TMEM178B: variants seen among roughly 807,000 people sequenced by gnomAD.
TMEM178B encodes transmembrane protein 178B.
A neutral mutation model predicts 31.0 loss-of-function variants in TMEM178B; 5 were observed. The observed-to-expected ratio is 0.16, with a 90% CI of 0.08 to 0.34. TMEM178B has a LOEUF of 0.34. Ranked by LOEUF, TMEM178B falls within the 10% of genes least tolerant of loss-of-function variation. The pLI is 1.00. For synonymous variants in TMEM178B, 164 were observed against 164.0 expected (o/e 1.00, Z 0.00); for missense variants, 275 against 400.3 (o/e 0.69, Z 2.67).
At chr7:141,179,734 G>A (rs1437118190) in intron 1 of TMEM178B, among the ~76,000 whole-genome samples, 1 of 152,152 alleles carries the variant, frequency 6.6e-6, no homozygotes, top group African/African-American at 2.4e-5. Context: ...GTCAGAGCAG[G>A]CCATCCTGGA....
rs538723770 is a variant in TMEM178B at position 141,397,629 on chromosome 7, C to T, written c.497-39979C>T. Among the ~76,000 whole-genome samples, 27 of 152,320 alleles carry T rather than the reference C, an allele frequency of 1.8e-4. 1 individual carries two copies. Among genetic ancestry groups the T allele is most frequent in the African/African-American group, 6.5e-4 (27 of 41,572 alleles). On this transcript the variant is annotated intron_variant, in intron 2 of 3. Coordinates refer to ENST00000565468, the MANE Select transcript of TMEM178B (RefSeq NM_001195278.2). ...AGCTGGGAGTTAGGAGCCCTGGATT[C>T]TGGTTTCAGCTCTGTCACTAGCTAC... is the stretch of plus-strand genomic sequence containing the variant.
intron 1 of TMEM178B, among the ~76,000 whole-genome samples, chr7:141,080,395 C>T (rs1461642060): frequency 3.9e-5 from 6 of 152,014 alleles, no homozygotes; most frequent in Non-Finnish European, 5.9e-5. Context: ...CTGAGGAGGG[C>T]GGATTACGAG....
intron 1 of TMEM178B, among the ~76,000 whole-genome samples, chr7:141,143,799 C>CT (rs113767914): frequency 0.061 from 9,241 of 152,036 alleles, 946 homozygotes; most frequent in African/African-American, 0.21. Context: ...CTATAGATTG[C>CT]TTTAGGAAGT....
At chr7:141,316,357 G>A (rs1175681085) in intron 2 of TMEM178B, among the ~76,000 whole-genome samples, 1 of 152,194 alleles carries the variant, frequency 6.6e-6, no homozygotes, top group African/African-American at 2.4e-5. Context: ...TTAACTCACA[G>A]TTAACTTACA....
downstream of TMEM178B, among the ~76,000 whole-genome samples, chr7:141,482,086 C>T (rs1045377832): frequency 3.3e-5 from 5 of 152,152 alleles, no homozygotes; most frequent in Non-Finnish European, 7.3e-5. Context: ...CTTTGATTTC[C>T]GTGTCTCAAA....
chr7:141,160,778 A>G (rs1437979710), intron 1 of TMEM178B, among the ~76,000 whole-genome samples: 1 of 152,200 alleles, frequency 6.6e-6, no homozygotes, highest in Non-Finnish European at 1.5e-5. Context: ...AACTGGTCGG[A>G]TGTGGGATTA....
intron 1 of TMEM178B, among the ~76,000 whole-genome samples, chr7:141,131,389 A>G (rs1487254683): frequency 6.6e-6 from 1 of 152,132 alleles, no homozygotes; most frequent in Non-Finnish European, 1.5e-5. Flanking sequence ...TCTGTTTCAT[A>G]TGTGTTACCA....
chr7:141,391,766 A>G (rs1046985123), intron 2 of TMEM178B, among the ~76,000 whole-genome samples: 2 of 152,018 alleles, frequency 1.3e-5, no homozygotes, highest in African/African-American at 2.4e-5. Flanking sequence ...GGGACCTCAG[A>G]TACACGGAAT....
Position 141,431,634 on chromosome 7 carries a change from C to CT in TMEM178B, c.497-5973dup, listed in dbSNP as rs112864992. ...GATTTTTCTCTATCTTGGCCTTTGC[C>CT]TGCAGAGTCAAACTCACCATTCTGG... On this transcript the variant is annotated intron_variant, in intron 2 of 3. Coordinates refer to ENST00000565468, the MANE Select transcript of TMEM178B (RefSeq NM_001195278.2). Among the ~76,000 whole-genome samples, 473 of 152,326 alleles carry CT rather than the reference C, an allele frequency of 3.1e-3. 5 individuals are homozygous for CT. The highest frequency in any genetic ancestry group is 9.5e-3 in the African/African-American group (393 of 41,572).
chr7:141,339,113 C>A (rs1217219530), intron 2 of TMEM178B, among the ~76,000 whole-genome samples: 1 of 152,068 alleles, frequency 6.6e-6, no homozygotes, highest in Non-Finnish European at 1.5e-5. Flanking sequence ...AGCCCTCAAG[C>A]GGGGTAATTT....
In TMEM178B at chr7:141,335,294, C is replaced by T. The variant is rs115289215; in HGVS notation, c.497-102314C>T. On this transcript the variant is annotated intron_variant, in intron 2 of 3. Coordinates refer to ENST00000565468, the MANE Select transcript of TMEM178B (RefSeq NM_001195278.2). ...CTCCTCCAAGAGAGTTCCTGACCTACGCACTGAGGTCAACCCTCTTCTCCT... is the reference window on the plus strand; with the variant it reads ...CTCCTCCAAGAGAGTTCCTGACCTATGCACTGAGGTCAACCCTCTTCTCCT... 4.9e-3 allele frequency among the ~76,000 whole-genome samples: 745 copies of T among 152,312 alleles called. 2 individuals carry two copies. Among genetic ancestry groups the T allele is most frequent in the African/African-American group, 0.017 (717 of 41,556 alleles).
At chr7:141,191,808 G>A (rs746696124) in intron 1 of TMEM178B, among the ~76,000 whole-genome samples, 1 of 151,982 alleles carries the variant, frequency 6.6e-6, no homozygotes, top group Non-Finnish European at 1.5e-5. Context: ...CTTATGGTAG[G>A]TTTTGCTATG....
the TMEM178B span, among the ~76,000 whole-genome samples, chr7:141,500,231 C>T: frequency 0.11 from 16,031 of 152,080 alleles, 2,584 homozygotes; most frequent in African/African-American, 0.35. Flanking sequence ...ACACAAGATA[C>T]GAGCCCATTG....
the TMEM178B span, among the ~76,000 whole-genome samples, chr7:141,501,699 G>A: frequency 6.6e-6 from 1 of 152,184 alleles, no homozygotes; most frequent in African/African-American, 2.4e-5. Flanking sequence ...AGAAGGAGAA[G>A]GGAATTCTGC....
intron 1 of TMEM178B, among the ~76,000 whole-genome samples, chr7:141,075,248 C>A (rs1167351737): frequency 6.6e-6 from 1 of 152,100 alleles, no homozygotes; most frequent in Non-Finnish European, 1.5e-5. Context: ...GCCAGCTGAC[C>A]AGCAGCATCA....
At chr7:141,187,196 G>A in intron 1 of TMEM178B, among the ~76,000 whole-genome samples, 1 of 147,906 alleles carries the variant, frequency 6.8e-6, no homozygotes, top group East Asian at 2.0e-4. Flanking sequence ...GTGGTGTTTG[G>A]TTTTTTGTCC....
chr7:141,096,871 C>T (rs1329110105), intron 1 of TMEM178B, among the ~76,000 whole-genome samples: 3 of 152,002 alleles, frequency 2.0e-5, no homozygotes, highest in Non-Finnish European at 2.9e-5. Context: ...AAGGATCACT[C>T]GAGCCCAGGA....
At chr7:141,173,356 T>G (rs1331412025) in intron 1 of TMEM178B, 1 of 152,296 alleles carries the variant, frequency 6.6e-6, no homozygotes, top group Non-Finnish European at 1.5e-5. Context: ...AGATGCTCAG[T>G]AAATGTTTTC....
At chr7:141,251,775 A>G (rs753921427) in intron 2 of TMEM178B, among the ~76,000 whole-genome samples, 1 of 152,010 alleles carries the variant, frequency 6.6e-6, no homozygotes, top group Non-Finnish European at 1.5e-5. Context: ...TATTTCTTTG[A>G]TTTATTAGTA....
Sources: allele counts gnomAD v4.1 joint callset (sites outside exome capture counted in the v4.1 genomes callset), GRCh38; gene constraint gnomAD v4.1.1; transcripts MANE v1.5; gene names NCBI Gene and HGNC (gene_info 2026-07-23, HGNC 2026-07-21).